Variants in ACOXL observed in about 807,000 individuals in gnomAD.
ACOXL encodes the protein acyl-coenzyme A oxidase-like protein.
ACOXL carries 70 observed loss-of-function variants against 71.9 expected under a neutral mutation model. That is an observed-to-expected ratio of 0.97 (90% CI 0.80 to 1.19). The LOEUF (loss-of-function observed/expected upper bound fraction) is 1.19. Ranked by LOEUF, ACOXL falls within the 50% of genes most tolerant of loss-of-function variation. The pLI is 0.00. For synonymous variants in ACOXL, 253 were observed against 281.6 expected, an observed-to-expected ratio of 0.90 and a Z score of 1.02; for missense variants, 703 against 736.3, an observed-to-expected ratio of 0.95 and a Z score of 0.52.
intron 16 of ACOXL, among the ~76,000 whole-genome samples, chr2:111,083,492 C>A (rs1431373388): frequency 3.3e-5 from 5 of 152,054 alleles, no homozygotes; most frequent in African/African-American, 1.2e-4. Flanking sequence ...ATTCTCCCAA[C>A]AATGATGTGT....
At chr2:110,744,559 C>T (rs1677951679) in intron 1 of ACOXL, among the ~76,000 whole-genome samples, 1 of 152,158 alleles carries the variant, frequency 6.6e-6, no homozygotes, top group African/African-American at 2.4e-5. Flanking sequence ...TACTTCACGT[C>T]CCCTCCCTAC....
chr2:110,878,107 G>A (rs1696154160), intron 10 of ACOXL, among the ~76,000 whole-genome samples: 1 of 152,184 alleles, frequency 6.6e-6, no homozygotes, highest in Non-Finnish European at 1.5e-5. Context: ...GGCCTTTCCT[G>A]AGTCTGTGAA....
chr2:110,957,021 T>C (rs1024995669), intron 12 of ACOXL, among the ~76,000 whole-genome samples: 1 of 152,196 alleles, frequency 6.6e-6, no homozygotes, highest in African/African-American at 2.4e-5. Context: ...CTGAGGATTC[T>C]GCTGGTGTTT....
intron 9 of ACOXL, among the ~76,000 whole-genome samples, chr2:110,833,127 A>G (rs1406764129): frequency 6.6e-6 from 1 of 152,242 alleles, no homozygotes; most frequent in Non-Finnish European, 1.5e-5. Context: ...GAATGTTTAT[A>G]CCAACTTTAT....
intron 15 of ACOXL, among the ~76,000 whole-genome samples, chr2:111,040,160 G>C (rs1018656195): frequency 6.6e-6 from 1 of 152,214 alleles, no homozygotes; most frequent in South Asian, 2.1e-4. Flanking sequence ...CAGCTGCTCA[G>C]GACCTGTGGC....
chr2:110,862,592 T>C (rs2148991625), intron 10 of ACOXL, among the ~76,000 whole-genome samples: 1 of 152,200 alleles, frequency 6.6e-6, no homozygotes. Flanking sequence ...GACGCAGAGG[T>C]TGGTAGAAGG....
At chr2:111,038,513 A>G (rs914630838) in intron 15 of ACOXL, among the ~76,000 whole-genome samples, 1 of 152,218 alleles carries the variant, frequency 6.6e-6, no homozygotes, top group Non-Finnish European at 1.5e-5. Context: ...TTTAACTTCT[A>G]ATATCTAAGT....
chr2:110,773,955 G>A (rs1682314546), intron 2 of ACOXL, among the ~76,000 whole-genome samples: 1 of 152,192 alleles, frequency 6.6e-6, no homozygotes, highest in Admixed American at 6.5e-5. Flanking sequence ...GGCATGGCAG[G>A]GAGTGAGCTG....
chr2:110,964,844 G>A (rs2061857816), intron 12 of ACOXL, among the ~76,000 whole-genome samples: 1 of 152,094 alleles, frequency 6.6e-6, no homozygotes, highest in Admixed American at 6.5e-5. Flanking sequence ...CCTCTCTTTT[G>A]TGTATTTTGC....
intron 1 of ACOXL, among the ~76,000 whole-genome samples, chr2:110,743,897 C>T (rs1677852715): frequency 6.6e-6 from 1 of 152,222 alleles, no homozygotes. Context: ...GGGCAGCAGA[C>T]AGCACCTTCT....
chr2:110,892,050 C>T (rs540609208), intron 10 of ACOXL, among the ~76,000 whole-genome samples: 67 of 152,246 alleles, frequency 4.4e-4, no homozygotes, highest in African/African-American at 1.6e-3. Flanking sequence ...CATATCTCTG[C>T]AAATCAGATA....
At chr2:110,979,894 G>A (rs1020570077) in intron 12 of ACOXL, among the ~76,000 whole-genome samples, 1 of 152,180 alleles carries the variant, frequency 6.6e-6, no homozygotes, top group African/African-American at 2.4e-5. Context: ...CAGAAATTCT[G>A]AGTTTTCAAC....
In ACOXL at chr2:111,089,040, C is replaced by T. The variant is rs571285137; in HGVS notation, c.1441-3825C>T. Among the ~76,000 whole-genome samples the T allele has an allele frequency of 3.9e-5, 6 of 152,286 alleles. No homozygotes were observed. In the East Asian group the frequency reaches 1.2e-3, roughly 29 times the overall value. Reference sequence around the variant, plus strand: ...TTGGACCCAGGCACGGTGGCTCACGCCTGTAATCCCAGCACTTTGGGAGGC... The same window carrying T: ...TTGGACCCAGGCACGGTGGCTCACGTCTGTAATCCCAGCACTTTGGGAGGC... On this transcript the variant is annotated intron_variant, in intron 16 of 17. Coordinates refer to ENST00000439055, the MANE Select transcript of ACOXL (RefSeq NM_001142807.4).
At chr2:110,982,808 C>G (rs918863931) in intron 12 of ACOXL, among the ~76,000 whole-genome samples, 9 of 152,210 alleles carry the variant, frequency 5.9e-5, no homozygotes, top group African/African-American at 1.9e-4. Flanking sequence ...CCTGTTGGAA[C>G]CCCTAGGGCC....
intron 13 of ACOXL, among the ~76,000 whole-genome samples, chr2:110,994,071 G>A (rs1366302868): frequency 6.6e-6 from 1 of 152,206 alleles, no homozygotes; most frequent in African/African-American, 2.4e-5. Context: ...GCGAGTGGGT[G>A]AGATCCCCTT....
chr2:110,999,916 C>T (rs2063547124), intron 14 of ACOXL, among the ~76,000 whole-genome samples: 1 of 152,112 alleles, frequency 6.6e-6, no homozygotes, highest in Non-Finnish European at 1.5e-5. Flanking sequence ...TTCTGGATTC[C>T]CAGGCTTCAG....
At chr2:110,961,709 T>G (rs1371280149) in intron 12 of ACOXL, among the ~76,000 whole-genome samples, 4 of 152,192 alleles carry the variant, frequency 2.6e-5, no homozygotes, top group Non-Finnish European at 5.9e-5. Context: ...ACTGGGTAAT[T>G]ATTAAGGAAA....
At chr2:110,910,801 A>G (rs1193600745) in intron 11 of ACOXL, among the ~76,000 whole-genome samples, 1 of 152,160 alleles carries the variant, frequency 6.6e-6, no homozygotes, top group Non-Finnish European at 1.5e-5. Flanking sequence ...TGACTTGTTT[A>G]TCTTATTGTT....
chr2:111,004,832 C>A (rs59486976), intron 14 of ACOXL, among the ~76,000 whole-genome samples: 10,408 of 152,076 alleles, frequency 0.068, 449 homozygotes, highest in East Asian at 0.22. Flanking sequence ...AGGGTCGGGA[C>A]AGAGAACGGA....
Sources: allele counts gnomAD v4.1 joint callset (sites outside exome capture counted in the v4.1 genomes callset), GRCh38; gene constraint gnomAD v4.1.1; transcripts MANE v1.5; gene names NCBI Gene and HGNC (gene_info 2026-07-23, HGNC 2026-07-21).